CPB1: variants seen among roughly 807,000 people sequenced by gnomAD.
The protein encoded by CPB1 is carboxypeptidase B.
CPB1 carries 53 observed loss-of-function variants against 51.4 expected under a neutral mutation model. The observed-to-expected ratio is 1.03, with a 90% CI of 0.83 to 1.30. The LOEUF is 1.30. Among genes scored for constraint, CPB1 ranks in the 50% most tolerant of loss-of-function variants. CPB1 has a pLI of 0.00. For synonymous variants in CPB1, 189 were observed against 186.9 expected, an observed-to-expected ratio of 1.01 and a Z score of -0.09; for missense variants, 494 against 516.2, an observed-to-expected ratio of 0.96 and a Z score of 0.42.
chr3:148,853,073 G>A (rs1713478626), intron 9 of CPB1, among the ~76,000 whole-genome samples: 1 of 152,136 alleles, frequency 6.6e-6, no homozygotes, highest in Non-Finnish European at 1.5e-5. Context: ...ACAGAAGGAA[G>A]GAAACTGCAG....
At chr3:148,829,451 G>C (rs1712666117) in intron 2 of CPB1, among the ~76,000 whole-genome samples, 1 of 152,182 alleles carries the variant, frequency 6.6e-6, no homozygotes, top group Non-Finnish European at 1.5e-5. Context: ...CCTGTGTTCA[G>C]TCAAAACCAT....
At chr3:148,835,773 T>G (rs1318579) in intron 3 of CPB1, among the ~76,000 whole-genome samples, 71,722 of 151,816 alleles carry the variant, frequency 0.47, 17,592 homozygotes, top group East Asian at 0.58. Flanking sequence ...GAATGTAGCC[T>G]ATATAATTTT....
intron 9 of CPB1, among the ~76,000 whole-genome samples, chr3:148,850,191 T>G (rs1683794770): frequency 6.6e-6 from 1 of 151,952 alleles, no homozygotes; most frequent in African/African-American, 2.4e-5. Flanking sequence ...TTCTGAAAAA[T>G]TATTAAATGT....
intron 9 of CPB1, among the ~76,000 whole-genome samples, chr3:148,847,518 G>A (rs988004000): frequency 1.3e-5 from 2 of 152,010 alleles, no homozygotes; most frequent in African/African-American, 4.8e-5. Context: ...TCACATGTGT[G>A]CCAAATGGTG....
rs558275495 is a variant in CPB1, at chr3:148,859,846, T to C, written c.1098T>C (p.Ala366=). 1 of 1,614,092 alleles carries C rather than the reference T, an allele frequency of 6.2e-7. No individual in the cohort carries two copies. Among genetic ancestry groups the C allele is most frequent in the East Asian group, 2.2e-5 (1 of 44,882 alleles). Residue 366 remains alanine, a synonymous_variant, in exon 11 of 11, where the codon GCT becomes GCC. Transcript: ENST00000282957. ...YPAAGGSDDW[A]YDQGIRYSFT... Reference sequence around the variant, plus strand: ...CTGCTGGGGGCTCTGACGACTGGGCTTATGACCAAGGAATCAGATATTCCT... The same window carrying C: ...CTGCTGGGGGCTCTGACGACTGGGCCTATGACCAAGGAATCAGATATTCCT...
At position 148,840,482 on chromosome 3, in the gene CPB1, T is replaced by C. The variant is rs116727149; in HGVS notation, c.273-204T>C. Reference sequence around the variant, plus strand: ...TGCTTGCATTCTCCAGTATCCTTCTTAGTGACTTACTCACTCTTTATGGTC... The same window carrying C: ...TGCTTGCATTCTCCAGTATCCTTCTCAGTGACTTACTCACTCTTTATGGTC... On this transcript the variant is annotated intron_variant, in intron 3 of 10. Coordinates refer to ENST00000282957, the MANE Select transcript of CPB1 (RefSeq NM_001871.3). 6.7e-3 allele frequency among the ~76,000 whole-genome samples: 1,017 copies of C among 152,272 alleles called. 12 individuals are homozygous for C. Among genetic ancestry groups the C allele is most frequent in the African/African-American group, 0.023 (973 of 41,548 alleles).
intron 9 of CPB1, among the ~76,000 whole-genome samples, chr3:148,847,398 A>AAG (rs1315945473): frequency 4.7e-5 from 6 of 129,022 alleles, no homozygotes; most frequent in African/African-American, 1.2e-4. Context: ...AAAAAAAAAG[A>AAG]CAAGTAAGTC....
At chr3:148,837,231 G>A (rs1712931557) in intron 3 of CPB1, among the ~76,000 whole-genome samples, 1 of 152,286 alleles carries the variant, frequency 6.6e-6, no homozygotes, top group East Asian at 1.9e-4. Context: ...GAGACTGATT[G>A]TTGCTCACAC....
At chr3:148,846,736 A>AAT (rs10605555) in intron 9 of CPB1, among the ~76,000 whole-genome samples, 1 of 106,954 alleles carries the variant, frequency 9.3e-6, no homozygotes, top group Non-Finnish European at 1.8e-5. Context: ...CATGGCCAAA[A>AAT]ATATATATAT....
chr3:148,847,931 T>C (rs930115395), intron 9 of CPB1, among the ~76,000 whole-genome samples: 5 of 152,200 alleles, frequency 3.3e-5, no homozygotes, highest in Non-Finnish European at 7.4e-5. Context: ...TCTCTATTGA[T>C]TAAGCTTTTC....
intron 5 of CPB1, 28 bp from the exon 6 acceptor site, chr3:148,841,795 G>C (rs1713093362): frequency 2.5e-6 from 4 of 1,588,720 alleles, no homozygotes; most frequent in Non-Finnish European, 3.5e-6. Flanking sequence ...ATGAATCATG[G>C]TTTCCCTTTT....
chr3:148,838,392 C>T (rs1179779585), intron 3 of CPB1: 3 of 150,690 alleles, frequency 2.0e-5, no homozygotes, highest in Admixed American at 6.6e-5. Flanking sequence ...TTTTTCGTTC[C>T]GAGAAGCTCA....
At chr3:148,832,829 A>C (rs1404587394) in intron 2 of CPB1, among the ~76,000 whole-genome samples, 1 of 152,160 alleles carries the variant, frequency 6.6e-6, no homozygotes, top group African/African-American at 2.4e-5. Context: ...AGGGGAGTAC[A>C]CTGAGCACAC....
At chr3:148,841,660 G>C (rs1713084054) in intron 5 of CPB1, among the ~76,000 whole-genome samples, 163 bp from the exon 6 acceptor site, 1 of 152,232 alleles carries the variant, frequency 6.6e-6, no homozygotes, top group Non-Finnish European at 1.5e-5. Context: ...CTAGAAGCGA[G>C]AACATACTGT....
chr3:148,830,977 T>C (rs1004101195), intron 2 of CPB1, among the ~76,000 whole-genome samples: 3 of 152,186 alleles, frequency 2.0e-5, no homozygotes, highest in Non-Finnish European at 4.4e-5. Context: ...GATAAGATCA[T>C]TACAAGGGCA....
chr3:148,846,795 G>GTGTGTGTA (rs1371825496), intron 9 of CPB1, among the ~76,000 whole-genome samples: 4 of 40,470 alleles, frequency 9.9e-5, no homozygotes, highest in African/African-American at 2.5e-4. Flanking sequence ...GTGTGTGCGT[G>GTGTGTGTA]TGTATATATA....
In CPB1 at chr3:148,860,158, T is replaced by C. The variant is rs1179323771; in HGVS notation, c.*156T>C. On this transcript the variant is annotated 3_prime_UTR_variant, in exon 11 of 11. Coordinates refer to ENST00000282957, the MANE Select transcript of CPB1 (RefSeq NM_001871.3). ...TAGGTAGATCTTTTCGTATTGATCA[T>C]AATAAAAGTGAATCATTACTATTGG... The C allele has an allele frequency of 1.3e-5, 9 of 666,672 alleles. No homozygotes were observed. Among genetic ancestry groups the C allele is most frequent in the Non-Finnish European group, 2.2e-5 (9 of 400,728 alleles). The allele number at this position is 666,672 out of a possible 1,614,324, so 41.3% of individuals were successfully genotyped here.
intron 3 of CPB1, among the ~76,000 whole-genome samples, chr3:148,838,698 T>C (rs375639208): frequency 1.8e-4 from 28 of 152,364 alleles, no homozygotes; most frequent in African/African-American, 5.0e-4. Flanking sequence ...GGCTTATAGA[T>C]TGGAATCAAG....
intron 8 of CPB1, 137 bp downstream of exon 8, chr3:148,844,904 A>G: frequency 1.3e-6 from 1 of 772,930 alleles, no homozygotes; most frequent in East Asian, 2.7e-5. Context: ...CACCAAAAAA[A>G]AAAAAACCAG....
Sources: gnomAD v4.1 joint callset for allele counts (sites outside exome capture counted in the v4.1 genomes callset) on GRCh38, gnomAD v4.1.1 for gene constraint, MANE v1.5 for transcripts, NCBI Gene and HGNC (gene_info 2026-07-23, HGNC 2026-07-21) for gene names.